TAFA1: variants seen among roughly 807,000 people sequenced by gnomAD.
TAFA1 encodes the protein TAFA chemokine like family member 1.
Under a neutral mutation model 18.5 loss-of-function variants are expected in TAFA1, and 4 were observed. That is an observed-to-expected ratio of 0.22 (90% CI 0.11 to 0.49). The LOEUF is 0.49. Among genes scored for constraint, TAFA1 ranks in the 20% least tolerant of loss-of-function variants. TAFA1 has a pLI of 0.98. For synonymous variants in TAFA1, 56 were observed against 55.2 expected (o/e 1.01, Z -0.06); for missense variants, 147 against 169.0 (o/e 0.87, Z 0.72).
At chr3:68,429,459 A>G (rs928432287) in intron 3 of TAFA1, among the ~76,000 whole-genome samples, 1 of 151,922 alleles carries the variant, frequency 6.6e-6, no homozygotes, top group Non-Finnish European at 1.5e-5. Context: ...ATGGGACCCC[A>G]TGTGGGAACT....
At chr3:68,152,473 C>A (rs2065817464) in intron 2 of TAFA1, among the ~76,000 whole-genome samples, 1 of 152,120 alleles carries the variant, frequency 6.6e-6, no homozygotes, top group Admixed American at 6.6e-5. Flanking sequence ...TTTTGACAGT[C>A]CAAAGTCAAA....
chr3:68,295,111 T>TATATTTGCTCG (rs869092041), intron 2 of TAFA1, among the ~76,000 whole-genome samples: 1 of 56,288 alleles, frequency 1.8e-5, no homozygotes, highest in Admixed American at 1.8e-4. Flanking sequence ...TCCTGAGCCC[T>TATATTTGCTCG]AACAGTTGAA....
At chr3:68,501,864 G>A (rs532232973) in intron 3 of TAFA1, among the ~76,000 whole-genome samples, 3 of 152,320 alleles carry the variant, frequency 2.0e-5, no homozygotes, top group Non-Finnish European at 2.9e-5. Context: ...CAGAAGTGTA[G>A]TTTGGACACA....
rs534430386 is a variant in TAFA1, at chr3:68,428,870, T to A, written c.259+11450T>A. 1.9e-4 allele frequency among the ~76,000 whole-genome samples: 29 copies of A among 152,100 alleles called. No homozygotes were observed. The South Asian group carries it at 6.0e-3, about 32-fold the overall frequency. On this transcript the variant is annotated intron_variant, in intron 3 of 4. Transcript: ENST00000478136. ...AGTCGTCATTCATGGTCTCCTTTGG[T>A]GCCTATGCACTAATTTTGCTTTATG...
chr3:68,391,816 A>AT (rs2070256249), intron 2 of TAFA1, among the ~76,000 whole-genome samples: 1 of 152,174 alleles, frequency 6.6e-6, no homozygotes, highest in Non-Finnish European at 1.5e-5. Context: ...ATGCTGAGGG[A>AT]TTTTGTCACC....
At chr3:68,067,744 A>G (rs2064698887) in intron 2 of TAFA1, among the ~76,000 whole-genome samples, 1 of 150,670 alleles carries the variant, frequency 6.6e-6, no homozygotes, top group African/African-American at 2.4e-5. Context: ...CTTTCCTTCC[A>G]TCCTTCCTTC....
chr3:68,041,627 G>A (rs1436571411), intron 2 of TAFA1, among the ~76,000 whole-genome samples: 1 of 152,182 alleles, frequency 6.6e-6, no homozygotes, highest in Non-Finnish European at 1.5e-5. Context: ...TGCTATGTTA[G>A]GCATTGTGCT....
intron 3 of TAFA1, among the ~76,000 whole-genome samples, chr3:68,531,444 T>A (rs915653399): frequency 2.0e-5 from 3 of 151,584 alleles, no homozygotes; most frequent in African/African-American, 7.3e-5. Context: ...TGGGGTTTTA[T>A]AAGTTGGCTT....
chr3:68,445,885 G>T (rs56300927), intron 3 of TAFA1, among the ~76,000 whole-genome samples: 2 of 152,096 alleles, frequency 1.3e-5, no homozygotes, highest in Admixed American at 1.3e-4. Context: ...ATTTGTTGTT[G>T]TTGTTGTTTG....
At chr3:68,287,919 G>T (rs2068042173) in intron 2 of TAFA1, among the ~76,000 whole-genome samples, 1 of 119,754 alleles carries the variant, frequency 8.4e-6, no homozygotes, top group African/African-American at 2.8e-5. Flanking sequence ...GGGGGTGGGG[G>T]GGCTTTTTGA....
intron 2 of TAFA1, among the ~76,000 whole-genome samples, chr3:68,347,418 G>A (rs1257676884): frequency 6.6e-6 from 1 of 152,108 alleles, no homozygotes; most frequent in Non-Finnish European, 1.5e-5. Flanking sequence ...CATCCAAGCT[G>A]GAAATGGTTC....
intron 3 of TAFA1, among the ~76,000 whole-genome samples, chr3:68,465,807 C>A (rs972156667): frequency 2.6e-5 from 4 of 152,182 alleles, no homozygotes; most frequent in South Asian, 4.2e-4. Flanking sequence ...ACATTCCTAA[C>A]TGAAAAATGT....
At chr3:68,164,589 T>C (rs2106945594) in intron 2 of TAFA1, among the ~76,000 whole-genome samples, 1 of 151,882 alleles carries the variant, frequency 6.6e-6, no homozygotes, top group African/African-American at 2.4e-5. Flanking sequence ...TACCCAGCTT[T>C]TGCCTCATGA....
chr3:68,339,790 G>A (rs765877168), intron 2 of TAFA1, among the ~76,000 whole-genome samples: 4 of 152,118 alleles, frequency 2.6e-5, no homozygotes, highest in Non-Finnish European at 2.9e-5. Context: ...TCTAATCAGT[G>A]GTATGCTGGT....
Position 68,426,521 on chromosome 3 carries a change from G to A in TAFA1, c.259+9101G>A, listed in dbSNP as rs184796093. Among the ~76,000 whole-genome samples, 311 of 151,972 alleles carry A rather than the reference G, an allele frequency of 2.0e-3. 2 individuals carry two copies. The highest frequency in any genetic ancestry group is 6.9e-3 in the African/African-American group (288 of 41,494). On this transcript the variant is annotated intron_variant, in intron 3 of 4. Transcript: ENST00000478136. ...GGTAAACATGGAAAAAATGCTTACC[G>A]TCACTCACATGAAGAAATGTAAATT...
At chr3:68,541,114 G>A (rs970602165) in intron 4 of TAFA1, among the ~76,000 whole-genome samples, 1 of 152,162 alleles carries the variant, frequency 6.6e-6, no homozygotes, top group Non-Finnish European at 1.5e-5. Flanking sequence ...GGAAATAGGA[G>A]GCCACTCTAC....
At chr3:68,494,553 C>T (rs535604919) in intron 3 of TAFA1, among the ~76,000 whole-genome samples, 2 of 152,106 alleles carry the variant, frequency 1.3e-5, no homozygotes, top group Non-Finnish European at 2.9e-5. Flanking sequence ...GAGAACTTTC[C>T]TCCTGCCTAT....
intron 2 of TAFA1, among the ~76,000 whole-genome samples, chr3:68,096,693 G>T (rs1575614252): frequency 6.6e-6 from 1 of 152,040 alleles, no homozygotes; most frequent in East Asian, 1.9e-4. Context: ...TAAATTACAG[G>T]CTAAGTTAAC....
upstream of TAFA1, among the ~76,000 whole-genome samples, chr3:68,000,923 T>A (rs190828442): frequency 1.3e-5 from 2 of 150,850 alleles, no homozygotes; most frequent in African/African-American, 4.9e-5. Flanking sequence ...CGTTGTTGAA[T>A]GGCCATTGGA....
Sources: gnomAD v4.1 joint callset for allele counts (sites outside exome capture counted in the v4.1 genomes callset) on GRCh38, gnomAD v4.1.1 for gene constraint, MANE v1.5 for transcripts, NCBI Gene and HGNC (gene_info 2026-07-23, HGNC 2026-07-21) for gene names.